Variants in COL5A1 observed in about 807,000 individuals in gnomAD.
The protein encoded by COL5A1 is collagen alpha-1(V) chain.
Under a neutral mutation model 263.7 loss-of-function variants are expected in COL5A1, and 16 were observed. The ratio of observed to expected loss-of-function variants is 0.06; its 90% confidence interval spans 0.04 to 0.09. The LOEUF (loss-of-function observed/expected upper bound fraction) is 0.09. Among genes scored for constraint, COL5A1 ranks in the 10% least tolerant of loss-of-function variants. COL5A1 has a pLI of 1.00. For missense variants in COL5A1, 2,036 were observed against 2,540.5 expected (o/e 0.80, Z 4.27); for synonymous variants, 1,012 against 1,004.5 (o/e 1.01, Z -0.14).
rs548471093 is a variant in COL5A1, at chr9:134,642,987, G to C, written c.109+691G>C. 1.3e-5 allele frequency among the ~76,000 whole-genome samples: 2 copies of C among 152,248 alleles called. No homozygotes were observed. The highest frequency in any genetic ancestry group is 2.9e-5 in the Non-Finnish European group (2 of 68,042). On this transcript the variant is annotated intron_variant, in intron 1 of 65. Coordinates refer to ENST00000371817, the MANE Select transcript of COL5A1 (RefSeq NM_000093.5). The surrounding 1 kb of genome is among the most constrained non-coding windows in gnomAD (Gnocchi z 4.5). Reference sequence around the variant, plus strand: ...GATTCGCTGCTGAGAGATGGGATGCGTGGAGCAAAGCCAGAGATGGGCTTG... The same window carrying C: ...GATTCGCTGCTGAGAGATGGGATGCCTGGAGCAAAGCCAGAGATGGGCTTG...
At position 134,652,304 on chromosome 9, in the gene COL5A1, C is replaced by T. The variant is rs150992073; in HGVS notation, c.109+10008C>T. Among the ~76,000 whole-genome samples the T allele has an allele frequency of 4.8e-3, 717 of 150,708 alleles. 7 individuals carry two copies. Among genetic ancestry groups the T allele is most frequent in the African/African-American group, 0.017 (696 of 41,006 alleles). On this transcript the variant is annotated intron_variant, in intron 1 of 65. Coordinates refer to ENST00000371817, the MANE Select transcript of COL5A1 (RefSeq NM_000093.5). The surrounding 1 kb of genome is among the most constrained non-coding windows in gnomAD (Gnocchi z 4.4). ...CGTCCTTGGGCCGGTGTGGCGGTAA[C>T]AGTGAGCTGGTGACAGCAGGCAGAC...
At chr9:134,806,144 A>G in intron 41 of COL5A1, 45 bp from the exon 42 acceptor site, 1 of 1,405,232 alleles carries the variant, frequency 7.1e-7, no homozygotes, top group Non-Finnish European at 9.9e-7. Context: ...ACGACCACGC[A>G]GTCTGAGAGC....
intron 4 of COL5A1, among the ~76,000 whole-genome samples, chr9:134,713,253 C>T (rs1361426202): frequency 6.6e-6 from 1 of 152,270 alleles, no homozygotes; most frequent in African/African-American, 2.4e-5. Context: ...TTCATGCTGT[C>T]AGGGAGGCTG....
intron 5 of COL5A1, 97 bp from the exon 6 acceptor site, chr9:134,728,573 C>G: frequency 6.4e-7 from 1 of 1,561,160 alleles, no homozygotes; most frequent in Non-Finnish European, 8.8e-7. Flanking sequence ...GACGGGGCGT[C>G]GTGGCGTGCA....
intron 19 of COL5A1, 99 bp downstream of exon 19, chr9:134,762,077 C>A: frequency 7.8e-7 from 1 of 1,286,954 alleles, no homozygotes; most frequent in South Asian, 1.2e-5. Flanking sequence ...GTGGGATTGG[C>A]CTGCCGCATG....
At chr9:134,792,819 ATG>A (rs964888452) in intron 32 of COL5A1, among the ~76,000 whole-genome samples, 22 of 113,974 alleles carry the variant, frequency 1.9e-4, no homozygotes, top group Non-Finnish European at 2.7e-4. Context: ...ATGTGTGTGC[ATG>A]TGTGTGTATG....
At chr9:134,819,216 C>T (rs755967877) in intron 57 of COL5A1, among the ~76,000 whole-genome samples, 163 bp downstream of exon 57, 11 of 152,198 alleles carry the variant, frequency 7.2e-5, no homozygotes, top group African/African-American at 4.8e-5. Context: ...AAAATAGACA[C>T]GCTGTGTTTG....
At chr9:134,661,658 C>T (rs150813600) in intron 1 of COL5A1, among the ~76,000 whole-genome samples, 14 of 152,232 alleles carry the variant, frequency 9.2e-5, no homozygotes, top group African/African-American at 3.1e-4. Flanking sequence ...CCTGCCCAGC[C>T]CACTGCATCT....
chr9:134,782,902 C>T (rs1336088310), intron 29 of COL5A1, among the ~76,000 whole-genome samples, 182 bp downstream of exon 29: 2 of 152,228 alleles, frequency 1.3e-5, no homozygotes, highest in Admixed American at 6.5e-5. Flanking sequence ...TCTCCAGCTC[C>T]TCTTCACCTC....
At chr9:134,662,959 A>G (rs1241679181) in intron 1 of COL5A1, among the ~76,000 whole-genome samples, 3 of 152,232 alleles carry the variant, frequency 2.0e-5, no homozygotes, top group African/African-American at 7.2e-5. Context: ...CTGCTCTGTG[A>G]GCCTCCATGT....
intron 53 of COL5A1, 120 bp downstream of exon 53, chr9:134,817,199 G>C: frequency 1.1e-6 from 1 of 873,936 alleles, no homozygotes; most frequent in Non-Finnish European, 1.9e-6. Flanking sequence ...GGAAGGGCTC[G>C]GGTGTGGCAT....
intron 28 of COL5A1, 129 bp from the exon 29 acceptor site, chr9:134,782,538 C>T: frequency 1.1e-6 from 1 of 871,610 alleles, no homozygotes; most frequent in South Asian, 1.3e-5. Context: ...CCCACCCCGT[C>T]CGGGCCATGT....
At chr9:134,807,400 TCTC>T (rs1407797822) in intron 42 of COL5A1, among the ~76,000 whole-genome samples, 1 of 152,170 alleles carries the variant, frequency 6.6e-6, no homozygotes, top group African/African-American at 2.4e-5. Flanking sequence ...TTCAAGCAAT[TCTC>T]CTGCCTCAGC....
intron 57 of COL5A1, among the ~76,000 whole-genome samples, 164 bp downstream of exon 57, chr9:134,819,217 G>A (rs777074075): frequency 3.3e-5 from 5 of 152,198 alleles, no homozygotes; most frequent in Non-Finnish European, 7.3e-5. Context: ...AAATAGACAC[G>A]CTGTGTTTGA....
At chr9:134,736,687 GTC>G (rs1835111024) in intron 9 of COL5A1, among the ~76,000 whole-genome samples, 2 of 152,202 alleles carry the variant, frequency 1.3e-5, no homozygotes, top group South Asian at 4.1e-4. Context: ...GAAGTCCAGA[GTC>G]TCACCCAAAT....
chr9:134,657,943 G>A (rs1357965893), intron 1 of COL5A1, among the ~76,000 whole-genome samples: 1 of 151,908 alleles, frequency 6.6e-6, no homozygotes, highest in Non-Finnish European at 1.5e-5. Context: ...GGGAGACCAG[G>A]CCTGGGAGTC....
In COL5A1 at chr9:134,834,832, G is replaced by T. The variant is rs1839787014; in HGVS notation, c.5137-139G>T. 5.9e-6 allele frequency: 4 copies of T among 678,746 alleles called. No homozygotes were observed. The Admixed American group carries it at 8.9e-5, about 15-fold the overall frequency. The allele number at this position is 678,746 out of a possible 1,614,324, so 42.0% of individuals were successfully genotyped here. A position where few individuals can be genotyped will look rare whatever the true frequency, so the allele number is the denominator to read the frequency against. ...GCCCATGTGCGCTGGCCTCGGCCGG[G>T]TCTGTGGGTACAGTGCGTTTCCAGG... On this transcript the variant is annotated intron_variant, in intron 64 of 65. Transcript: ENST00000371817.
chr9:134,690,362 C>T (rs1304743986), intron 1 of COL5A1, among the ~76,000 whole-genome samples: 1 of 152,202 alleles, frequency 6.6e-6, no homozygotes, highest in Non-Finnish European at 1.5e-5. Flanking sequence ...GGAGGGGCCT[C>T]AGGTGGGGTG....
chr9:134,781,263 A>G (rs529855892), intron 28 of COL5A1, among the ~76,000 whole-genome samples: 1 of 152,340 alleles, frequency 6.6e-6, no homozygotes, highest in South Asian at 2.1e-4. Flanking sequence ...CCCTTGTGGG[A>G]GGACCGGCCA....
Sources: allele counts gnomAD v4.1 joint callset (sites outside exome capture counted in the v4.1 genomes callset), GRCh38; gene constraint gnomAD v4.1.1; non-coding constraint Gnocchi (gnomAD v3.1); transcripts MANE v1.5; gene names NCBI Gene and HGNC (gene_info 2026-07-23, HGNC 2026-07-21).